COQ6: variants seen among roughly 807,000 people sequenced by gnomAD.
The protein encoded by COQ6 is ubiquinone biosynthesis monooxygenase COQ6, mitochondrial.
Under a neutral mutation model 55.5 loss-of-function variants are expected in COQ6, and 45 were observed. That is an observed-to-expected ratio of 0.81 (90% CI 0.64 to 1.04). COQ6 has a LOEUF of 1.04. Among genes scored for constraint, COQ6 ranks in the 50% least tolerant of loss-of-function variants. The probability of loss-of-function intolerance (pLI) is 0.00; values close to 1 mark genes in which losing one functional copy is unlikely to be tolerated. For synonymous variants in COQ6, 206 were observed against 230.5 expected (o/e 0.89, Z 0.96); for missense variants, 550 against 601.3 (o/e 0.91, Z 0.89).
At position 73,950,323 on chromosome 14, in the gene COQ6, G is replaced by A. The variant is rs763431573; in HGVS notation, c.-10G>A. The A allele has an allele frequency of 8.6e-5, 133 of 1,548,734 alleles. No homozygotes were observed. Among genetic ancestry groups the A allele is most frequent in the Non-Finnish European group, 1.1e-4 (132 of 1,150,104 alleles). ...CGGGAGTTCTGAGTGCGACGGCGCAGGTCTGCACCATGGCGGCCCGGCTTG... is the reference window on the plus strand; with the variant it reads ...CGGGAGTTCTGAGTGCGACGGCGCAAGTCTGCACCATGGCGGCCCGGCTTG... On this transcript the variant is annotated 5_prime_UTR_variant, in exon 1 of 12. Transcript: ENST00000334571.
intron 1 of COQ6, 80 bp from the exon 2 acceptor site, chr14:73,953,355 G>T: frequency 8.3e-7 from 1 of 1,202,962 alleles, no homozygotes; most frequent in South Asian, 1.2e-5. Context: ...AGGGTTAAGT[G>T]GTTACTCTGT....
chr14:73,963,271 G>A lies in COQ6; in HGVS notation c.*272G>A. On this transcript the variant is annotated 3_prime_UTR_variant, in exon 12 of 12. Transcript: ENST00000334571. ...TTTTTATTACTAAAAAACCCACAAG[G>A]TGCTGTCTCACTCATTTCCAGTTAA... The A allele has an allele frequency of 3.7e-6, 2 of 540,250 alleles. No individual in the cohort carries two copies. The highest frequency in any genetic ancestry group is 6.5e-6 in the Non-Finnish European group (2 of 307,586). The allele number at this position is 540,250 out of a possible 1,614,324, so 33.5% of individuals were successfully genotyped here.
At chr14:73,949,936 AT>A, upstream of COQ6, 1 of 1,610,564 alleles carries the variant, frequency 6.2e-7, no homozygotes, top group Non-Finnish European at 8.5e-7. Flanking sequence ...CCTCTCCGGG[AT>A]TCCTTTCCCG....
intron 1 of COQ6, 107 bp downstream of exon 1, chr14:73,950,602 C>T (rs893648820): frequency 4.8e-5 from 70 of 1,450,234 alleles, no homozygotes; most frequent in Non-Finnish European, 6.3e-5. Context: ...TCTCAGGTCT[C>T]GCGACGCTTC....
rs184772321 is a variant in COQ6 at position 73,956,050 on chromosome 14, T to C, written c.481+122T>C. 2,309 of 1,459,240 alleles carry C rather than the reference T, an allele frequency of 1.6e-3. 3 individuals carry two copies. The highest frequency in any genetic ancestry group is 3.4e-3 in the Middle Eastern group (16 of 4,724). The allele number at this position is 1,459,240 out of a possible 1,614,324, so 90.4% of individuals were successfully genotyped here. ...ATAAAGAAATCCTCTGATGGCCGGG[T>C]GCGGTGGCTCACGCCTGTAATCCCA... is the stretch of plus-strand genomic sequence containing the variant. On this transcript the variant is annotated intron_variant, in intron 4 of 11. Transcript: ENST00000334571.
chr14:73,950,161 A>T (rs186482754), upstream of COQ6: 3 of 1,585,294 alleles, frequency 1.9e-6, no homozygotes, highest in East Asian at 4.6e-5. Context: ...CCTCCGATCC[A>T]TCCCGCCCGA....
rs146408955 is a variant in COQ6, at chr14:73,959,002, G to T, written c.644G>T (p.Arg215Leu). The T allele has an allele frequency of 6.2e-6, 10 of 1,613,948 alleles. No individual in the cohort carries two copies. In the East Asian group the frequency reaches 1.1e-4, roughly 18 times the overall value. The change falls in exon 6 of 12, where the codon CGG becomes CTG. Residue 215 changes from arginine (R) to leucine (L), a missense_variant. By Grantham distance (102) the Arg-to-Leu change is moderately radical (BLOSUM62 -2). Coordinates refer to ENST00000334571, the MANE Select transcript of COQ6 (RefSeq NM_182476.3). ...GCAGATGGTCACAACTCCGGAGTAC[G>T]GCAGGCTGTTGGAATCCAGAATGTG... Reference protein sequence around the residue: ...IGADGHNSGVRQAVGIQNVSW... With the variant: ...IGADGHNSGVLQAVGIQNVSW...
intron 2 of COQ6, among the ~76,000 whole-genome samples, chr14:73,954,936 CTTTTT>C (rs35787543): frequency 4.6e-4 from 58 of 126,150 alleles, no homozygotes; most frequent in South Asian, 2.6e-3. Context: ...GAAGCTGAGT[CTTTTT>C]TTTTTTTATT....
Position 73,959,849 on chromosome 14 carries a change from C to T in COQ6, c.891+327C>T, listed in dbSNP as rs372163115. The stretch of plus-strand genomic sequence containing the variant: ...CCTCCCAAAGTGCTGGGATTACAGG[C>T]GTGAGCCACTGCACCCAGCCAGAAA... On this transcript the variant is annotated intron_variant, in intron 8 of 11. Coordinates refer to ENST00000334571, the MANE Select transcript of COQ6 (RefSeq NM_182476.3). 4.4e-4 allele frequency: 571 copies of T among 1,289,522 alleles called. 9 individuals carry two copies. The East Asian group carries it at 0.01, about 23-fold the overall frequency. The allele number at this position is 1,289,522 out of a possible 1,614,324, so 79.9% of individuals were successfully genotyped here. A position where few individuals can be genotyped will look rare whatever the true frequency, so the allele number is the denominator to read the frequency against.
Position 73,957,106 on chromosome 14 carries a change from T to A in COQ6, c.482-1041T>A, listed in dbSNP as rs867103400. Among the ~76,000 whole-genome samples, 860 of 151,490 alleles carry A rather than the reference T, an allele frequency of 5.7e-3. 4 individuals carry two copies. Among genetic ancestry groups the A allele is most frequent in the South Asian group, 0.014 (67 of 4,786 alleles). On this transcript the variant is annotated intron_variant, in intron 4 of 11. Transcript: ENST00000334571. ...AGCTTATTATTATTATTATTATTTT[T>A]TTTTTTTTGGAGATGGAGTCTCGCT...
rs892687112 is a variant in COQ6, at chr14:73,960,331, T to G, written c.891+809T>G. The stretch of plus-strand genomic sequence containing the variant: ...AATCCATGGAACATCTTTAGTACAT[T>G]GTAGGTGCTCAACAAATACTAATAA... On this transcript the variant is annotated intron_variant, in intron 8 of 11. Transcript: ENST00000334571. 5 of 986,542 alleles carry G rather than the reference T, an allele frequency of 5.1e-6. No individual in the cohort carries two copies. In the African/African-American group the frequency reaches 8.7e-5, roughly 17 times the overall value. 61.1% of individuals were successfully genotyped at this position (986,542 alleles called of 1,614,324 possible). A position where few individuals can be genotyped will look rare whatever the true frequency, so the allele number is the denominator to read the frequency against.
Position 73,953,566 on chromosome 14 carries a change from A to G in COQ6, c.295A>G (p.Ser99Gly). The G allele has an allele frequency of 6.2e-7, 1 of 1,614,030 alleles. No homozygotes were observed. The highest frequency in any genetic ancestry group is 1.6e-4 in the Middle Eastern group (1 of 6,062). Residue 99 changes from serine (S) to glycine (G), a missense_variant, in exon 2 of 12, where the codon AGT becomes GGT. By Grantham distance (56) the Ser-to-Gly change is moderately conservative (BLOSUM62 0). Coordinates refer to ENST00000334571, the MANE Select transcript of COQ6 (RefSeq NM_182476.3). ...TTCCCCTGGCTCTGCAACGCTTCTCAGTAGTGAGTAGAAGATCCTCCTTCA... is the reference window on the plus strand; with the variant it reads ...TTCCCCTGGCTCTGCAACGCTTCTCGGTAGTGAGTAGAAGATCCTCCTTCA... ...SISPGSATLL[S>G]SFGAWDHICN... is the part of the protein sequence containing the mutation.
chr14:73,956,339 A>AT, intron 4 of COQ6: 1 of 202,230 alleles, frequency 4.9e-6, no homozygotes, highest in South Asian at 9.4e-5. Context: ...AAAAAAAAAA[A>AT]AAAATTCCTC....
Position 73,950,364 on chromosome 14 carries a change from C to CT in COQ6, c.33dup (p.Val12CysfsTer26). The stretch of plus-strand genomic sequence containing the variant: ...GCCCGGCTTGTCAGCCGATGCGGGG[C>CT]TGTGCGTGCAGCTCCCCACAGCGGC... On this transcript the variant is annotated frameshift_variant, in exon 1 of 12. Coordinates refer to ENST00000334571, the MANE Select transcript of COQ6 (RefSeq NM_182476.3). LOFTEE classifies it high-confidence loss of function. The CT allele has an allele frequency of 6.4e-7, 1 of 1,560,436 alleles. No homozygotes were observed. The highest frequency in any genetic ancestry group is 8.7e-7 in the Non-Finnish European group (1 of 1,154,838).
intron 2 of COQ6, 124 bp downstream of exon 2, chr14:73,953,693 A>G: frequency 1.6e-6 from 2 of 1,259,142 alleles, no homozygotes; most frequent in Non-Finnish European, 2.3e-6. Context: ...GGGTGGAGAG[A>G]GGGGGTGGGA....
At chr14:73,952,699 C>A (rs1031213803) in intron 1 of COQ6, among the ~76,000 whole-genome samples, 1 of 152,000 alleles carries the variant, frequency 6.6e-6, no homozygotes, top group Non-Finnish European at 1.5e-5. Context: ...AACTCTAATT[C>A]TTTCTTTTTG....
chr14:73,950,084 G>T, upstream of COQ6: 1 of 1,606,242 alleles, frequency 6.2e-7, no homozygotes, highest in Non-Finnish European at 8.5e-7. Flanking sequence ...AGCGGTGGCA[G>T]CGAGAGCTAT....
intron 1 of COQ6, 169 bp downstream of exon 1, chr14:73,950,664 T>A (rs1174157628): frequency 2.9e-6 from 3 of 1,046,856 alleles, no homozygotes; most frequent in Admixed American, 5.6e-5. Context: ...CGTGTGGTCC[T>A]TCAGGGTCCA....
chr14:73,959,148 CCTCT>C lies in COQ6; in HGVS notation c.721-11_721-8del. The stretch of plus-strand genomic sequence containing the variant: ...AGGTACTTCACAGAGAAACTTTTCT[CCTCT>C]CTGTTGCAGGCCACAGAAAACAACG... On this transcript the variant is annotated splice_polypyrimidine_tract_variant and intron_variant, in intron 6 of 11. Transcript: ENST00000334571. The C allele has an allele frequency of 6.2e-7, 1 of 1,614,186 alleles. No homozygotes were observed. Among genetic ancestry groups the C allele is most frequent in the African/African-American group, 1.3e-5 (1 of 75,036 alleles).
Sources: allele counts gnomAD v4.1 joint callset (sites outside exome capture counted in the v4.1 genomes callset), GRCh38; gene constraint gnomAD v4.1.1; transcripts MANE v1.5; gene names NCBI Gene and HGNC (gene_info 2026-07-23, HGNC 2026-07-21).